The following ZC3H7A variants were observed in gnomAD, a reference collection of about 807,000 sequenced individuals.
ZC3H7A encodes the protein zinc finger CCCH-type containing 7A, also known as zinc finger CCCH domain-containing protein 7A.
ZC3H7A carries 44 observed loss-of-function variants against 125.5 expected under a neutral mutation model. The ratio of observed to expected loss-of-function variants is 0.35; its 90% CI spans 0.28 to 0.45. The LOEUF is 0.45. ZC3H7A is among the 20% of genes least tolerant of loss of function. The pLI is 1.00. For synonymous variants in ZC3H7A, 399 were observed against 391.2 expected (o/e 1.02, Z -0.23); for missense variants, 977 against 1,170.7 (o/e 0.83, Z 2.41).
intron 20 of ZC3H7A, 23 bp from the exon 21 acceptor site, chr16:11,756,393 C>T (rs1158956056): frequency 1.2e-6 from 2 of 1,605,856 alleles, no homozygotes; most frequent in East Asian, 2.2e-5. Context: ...GAATTACTTT[C>T]AGCAGCAGCA....
intron 21 of ZC3H7A, chr16:11,753,034 C>A: frequency 1.8e-6 from 1 of 549,034 alleles, no homozygotes; most frequent in Non-Finnish European, 3.1e-6. Flanking sequence ...TGCCAGCTGT[C>A]CAGGAAATCT....
chr16:11,759,896 T>C (rs1251958372), intron 19 of ZC3H7A: 1 of 152,012 alleles, frequency 6.6e-6, no homozygotes, highest in African/African-American at 2.4e-5. Flanking sequence ...GTGGGTCACT[T>C]GAGGTCAAGA....
intron 9 of ZC3H7A, among the ~76,000 whole-genome samples, chr16:11,772,749 T>A (rs1331109631): frequency 2.0e-5 from 3 of 150,166 alleles, no homozygotes; most frequent in Admixed American, 2.0e-4. Context: ...CAGGGTGGAG[T>A]GCAGTGGCAT....
intron 4 of ZC3H7A, among the ~76,000 whole-genome samples, chr16:11,778,487 G>A (rs535823175): frequency 4.0e-5 from 6 of 148,912 alleles, no homozygotes; most frequent in African/African-American, 1.2e-4. Flanking sequence ...TTTACCAAGA[G>A]TGTTTTACAA....
chr16:11,776,193 C>A, intron 7 of ZC3H7A, 127 bp downstream of exon 7: 1 of 874,770 alleles, frequency 1.1e-6, no homozygotes, highest in South Asian at 1.7e-5. Flanking sequence ...GAGGGTATTG[C>A]CAATTACGTG....
At chr16:11,784,488 G>A (rs1282264126) in intron 1 of ZC3H7A, among the ~76,000 whole-genome samples, 1 of 152,056 alleles carries the variant, frequency 6.6e-6, no homozygotes, top group Non-Finnish European at 1.5e-5. Context: ...GGAGGCAAAG[G>A]CAGGAAGATC....
intron 22 of ZC3H7A, among the ~76,000 whole-genome samples, chr16:11,752,381 G>A (rs977996209): frequency 2.0e-5 from 3 of 152,182 alleles, no homozygotes; most frequent in Non-Finnish European, 4.4e-5. Flanking sequence ...GAACACAAAG[G>A]TCATTTGGGC....
At chr16:11,790,360 G>C (rs1477946004) in intron 1 of ZC3H7A, among the ~76,000 whole-genome samples, 2 of 152,194 alleles carry the variant, frequency 1.3e-5, no homozygotes, top group Admixed American at 6.6e-5. Context: ...TTCCTTGTCT[G>C]TGAATTGTTT....
chr16:11,752,534 C>A, intron 22 of ZC3H7A, 135 bp downstream of exon 22: 1 of 1,140,132 alleles, frequency 8.8e-7, no homozygotes, highest in African/African-American at 1.6e-5. Flanking sequence ...AGCCAAAACC[C>A]AAGAATCCTT....
intron 21 of ZC3H7A, chr16:11,753,243 C>G: frequency 5.8e-6 from 1 of 172,726 alleles, no homozygotes; most frequent in Non-Finnish European, 1.2e-5. Context: ...ACTGCTGTGG[C>G]ATCAGGAATT....
In ZC3H7A at chr16:11,751,287, G is replaced by C; in HGVS notation, c.*30C>G. The C allele has an allele frequency of 6.3e-7, 1 of 1,588,346 alleles. No individual in the cohort carries two copies. Among genetic ancestry groups the C allele is most frequent in the Non-Finnish European group, 8.6e-7 (1 of 1,166,218 alleles). ...TTTCAATTTTTCTGGTCAATGCTCTGATTAGGTATCATACATAAAAGCCAG... is the reference window on the plus strand; with the variant it reads ...TTTCAATTTTTCTGGTCAATGCTCTCATTAGGTATCATACATAAAAGCCAG... On this transcript the variant is annotated 3_prime_UTR_variant, in exon 23 of 23. Coordinates refer to ENST00000355758, the MANE Select transcript of ZC3H7A (RefSeq NM_014153.4).
intron 9 of ZC3H7A, among the ~76,000 whole-genome samples, chr16:11,771,396 T>TAA (rs796241049): frequency 7.1e-5 from 10 of 140,612 alleles, no homozygotes; most frequent in African/African-American, 2.6e-4. Flanking sequence ...TCCAAAAAAA[T>TAA]AAAAAAAAAA....
chr16:11,760,122 G>GAAAAAAAAAAAAAAGA (rs2052723049), intron 19 of ZC3H7A, among the ~76,000 whole-genome samples: 8 of 82,516 alleles, frequency 9.7e-5, no homozygotes, highest in East Asian at 4.0e-4. Flanking sequence ...AAGAAAAAAT[G>GAAAAAAAAAAAAAAGA]AAAAAAAAAA....
rs534036725 is a variant in ZC3H7A at position 11,793,628 on chromosome 16, AAAC to A, written c.-35+3493_-35+3495del. ...AGCCTGTGTAATATTAATAGCTTTA[AAAC>A]AACAACTACAAAGTAGTTAAAGTAT... On this transcript the variant is annotated intron_variant, in intron 1 of 22. Transcript: ENST00000355758. 1.3e-4 allele frequency among the ~76,000 whole-genome samples: 20 copies of A among 152,290 alleles called. No homozygotes were observed. The South Asian group carries it at 3.5e-3, about 27-fold the overall frequency.
At chr16:11,767,718 G>C in intron 12 of ZC3H7A, 140 bp from the exon 13 acceptor site, 2 of 801,942 alleles carry the variant, frequency 2.5e-6, no homozygotes, top group Admixed American at 3.6e-5. Context: ...ACCCTAAAAT[G>C]TAAGTAGGCT....
chr16:11,771,138 A>T, intron 9 of ZC3H7A, 151 bp from the exon 10 acceptor site: 1 of 803,010 alleles, frequency 1.2e-6, no homozygotes, highest in East Asian at 2.7e-5. Flanking sequence ...CTGTAATCCT[A>T]ACACTTTGGG....
rs1027977717 is a variant in ZC3H7A at position 11,769,182 on chromosome 16, C to G, written c.1109-87G>C. 3 of 1,139,806 alleles carry G rather than the reference C, an allele frequency of 2.6e-6. No homozygotes were observed. In the Admixed American group the frequency reaches 8.5e-5, roughly 32 times the overall value. 70.6% of individuals were successfully genotyped at this position (1,139,806 alleles called of 1,614,324 possible). A position where few individuals can be genotyped will look rare whatever the true frequency, so the allele number is the denominator to read the frequency against. On this transcript the variant is annotated intron_variant, in intron 10 of 22. Transcript: ENST00000355758. ...GGCTTAGTAGCTTACTGGCTATGGC[C>G]TCCCACGCTATTCTCCCGTCCCAGT...
chr16:11,756,213 G>A (rs372437190), intron 21 of ZC3H7A, 24 bp downstream of exon 21: 2 of 1,593,452 alleles, frequency 1.3e-6, no homozygotes, highest in African/African-American at 1.4e-5. Flanking sequence ...GGCAAAGAGA[G>A]GGTAAATGAC....
In ZC3H7A at chr16:11,776,845, T is replaced by C; in HGVS notation, c.371A>G (p.Lys124Arg). 1 of 1,613,838 alleles carries C rather than the reference T, an allele frequency of 6.2e-7. No individual in the cohort carries two copies. Among genetic ancestry groups the C allele is most frequent in the Non-Finnish European group, 8.5e-7 (1 of 1,179,946 alleles). Reference sequence around the variant, plus strand: ...AGCCTTAGATTTCCGATACAGAGCTTTGCAGTTACTGGCATTTAAACTGAG... The same window carrying C: ...AGCCTTAGATTTCCGATACAGAGCTCTGCAGTTACTGGCATTTAAACTGAG... ...IVLSLNASNC[K>R]ALYRKSKALS... Residue 124 changes from lysine to arginine, a missense_variant, in exon 5 of 23, where the codon AAA becomes AGA. Lys to Arg is a conservative substitution (Grantham distance 26). Coordinates refer to ENST00000355758, the MANE Select transcript of ZC3H7A (RefSeq NM_014153.4).
Sources: allele counts gnomAD v4.1 joint callset (sites outside exome capture counted in the v4.1 genomes callset), GRCh38; gene constraint gnomAD v4.1.1; transcripts MANE v1.5; gene names NCBI Gene and HGNC (gene_info 2026-07-23, HGNC 2026-07-21).